Variants in ITPR2 observed in about 807,000 individuals in gnomAD.
The protein encoded by ITPR2 is inositol 1,4,5-trisphosphate-gated calcium channel ITPR2.
In ITPR2, 207 loss-of-function variants were observed where a neutral mutation model predicts 317.1. The observed-to-expected ratio is 0.65, with a 90% CI of 0.58 to 0.73. The LOEUF is 0.73. Ranked by LOEUF, ITPR2 falls within the 30% of genes least tolerant of loss-of-function variation. The pLI is 0.00. For missense variants in ITPR2, 2,613 were observed against 3,284.0 expected (o/e 0.80, Z 4.99); for synonymous variants, 1,156 against 1,149.1 (o/e 1.01, Z -0.12).
chr12:26,372,784 G>T (rs1939223291), intron 55 of ITPR2, among the ~76,000 whole-genome samples: 1 of 152,142 alleles, frequency 6.6e-6, no homozygotes, highest in Non-Finnish European at 1.5e-5. Context: ...TTCAAACTGG[G>T]TTTAGTGCTT....
At chr12:26,569,755 AAC>A (rs1341467770) in intron 34 of ITPR2, among the ~76,000 whole-genome samples, 1 of 152,210 alleles carries the variant, frequency 6.6e-6, no homozygotes, top group African/African-American at 2.4e-5. Context: ...AAAAAAGAGA[AAC>A]ACACATTAAA....
At chr12:26,469,996 C>T (rs562125903) in intron 45 of ITPR2, among the ~76,000 whole-genome samples, 2 of 152,278 alleles carry the variant, frequency 1.3e-5, no homozygotes, top group African/African-American at 4.8e-5. Context: ...GGCAAGTCAG[C>T]GGAAGTGAGT....
intron 24 of ITPR2, among the ~76,000 whole-genome samples, chr12:26,623,641 A>G (rs1946554104): frequency 6.6e-6 from 1 of 152,178 alleles, no homozygotes; most frequent in African/African-American, 2.4e-5. Context: ...CAGATAAGGA[A>G]AGACTACTGT....
intron 37 of ITPR2, among the ~76,000 whole-genome samples, chr12:26,524,311 A>G (rs1436810771): frequency 2.6e-5 from 4 of 152,236 alleles, no homozygotes; most frequent in Non-Finnish European, 4.4e-5. Flanking sequence ...ATTCCTGAAC[A>G]TGAGCCACAG....
At chr12:26,443,067 C>A (rs538677893) in intron 46 of ITPR2, among the ~76,000 whole-genome samples, 4 of 152,232 alleles carry the variant, frequency 2.6e-5, no homozygotes, top group African/African-American at 9.6e-5. Context: ...GGGTCAAGTG[C>A]TGCATACTGA....
chr12:26,440,360 A>G (rs1941456432), intron 46 of ITPR2, among the ~76,000 whole-genome samples: 1 of 152,190 alleles, frequency 6.6e-6, no homozygotes, highest in South Asian at 2.1e-4. Flanking sequence ...GCTAGCAGCC[A>G]TTTTGCAACC....
At chr12:26,369,863 A>ATT (rs1421120637) in intron 55 of ITPR2, among the ~76,000 whole-genome samples, 1 of 152,188 alleles carries the variant, frequency 6.6e-6, no homozygotes. Context: ...ACTGAGCTCA[A>ATT]TTATACGGCA....
chr12:26,594,121 A>ATGTG (rs1369759409), intron 32 of ITPR2, among the ~76,000 whole-genome samples: 8 of 152,236 alleles, frequency 5.3e-5, no homozygotes, highest in African/African-American at 1.9e-4. Context: ...ACATATGAGT[A>ATGTG]CTATGTTAAA....
intron 35 of ITPR2, among the ~76,000 whole-genome samples, chr12:26,558,927 T>C (rs1267386560): frequency 1.3e-5 from 2 of 152,204 alleles, no homozygotes; most frequent in Non-Finnish European, 2.9e-5. Context: ...TCCCATTACT[T>C]CCTATCTTAG....
At chr12:26,483,126 G>C (rs1344847656) in intron 42 of ITPR2, among the ~76,000 whole-genome samples, 2 of 152,148 alleles carry the variant, frequency 1.3e-5, no homozygotes, top group Admixed American at 6.5e-5. Flanking sequence ...TTCTGGAAAA[G>C]AGACTTGAAA....
chr12:26,623,059 C>T (rs1243466662), intron 24 of ITPR2, among the ~76,000 whole-genome samples: 1 of 152,110 alleles, frequency 6.6e-6, no homozygotes, highest in Non-Finnish European at 1.5e-5. Context: ...TCTTTTTGTG[C>T]CCCTAATTCT....
At chr12:26,623,078 G>C (rs931271896) in intron 24 of ITPR2, among the ~76,000 whole-genome samples, 4 of 152,122 alleles carry the variant, frequency 2.6e-5, no homozygotes, top group Non-Finnish European at 5.9e-5. Flanking sequence ...CTTGATTCTT[G>C]TTTGTCTTTC....
At chr12:26,444,277 G>T (rs980812006) in intron 45 of ITPR2, among the ~76,000 whole-genome samples, 1 of 152,084 alleles carries the variant, frequency 6.6e-6, no homozygotes, top group Non-Finnish European at 1.5e-5. Context: ...AATGTCTACA[G>T]CATGTGTTGG....
intron 50 of ITPR2, among the ~76,000 whole-genome samples, chr12:26,416,858 G>GA (rs562985900): frequency 7.3e-5 from 11 of 151,528 alleles, no homozygotes; most frequent in Admixed American, 1.3e-4. Flanking sequence ...GAGGTTTAAA[G>GA]AAAAAAAAAT....
chr12:26,374,427 T>C (rs1939281363), intron 55 of ITPR2, among the ~76,000 whole-genome samples: 1 of 152,242 alleles, frequency 6.6e-6, no homozygotes, highest in African/African-American at 2.4e-5. Flanking sequence ...AGGTGCTATG[T>C]ATTTATTGAA....
intron 55 of ITPR2, among the ~76,000 whole-genome samples, chr12:26,357,786 C>A (rs1405330355): frequency 6.6e-6 from 1 of 152,216 alleles, no homozygotes; most frequent in African/African-American, 2.4e-5. Flanking sequence ...GGTGTCAGAC[C>A]AGGCACCCAC....
chr12:26,492,891 C>T (rs1020558591), intron 39 of ITPR2, among the ~76,000 whole-genome samples: 11 of 123,972 alleles, frequency 8.9e-5, no homozygotes, highest in Non-Finnish European at 1.6e-4. Context: ...GATCATTGCA[C>T]GATATGTGTG....
chr12:26,478,176 C>T (rs758558665), intron 43 of ITPR2, among the ~76,000 whole-genome samples: 1 of 151,958 alleles, frequency 6.6e-6, no homozygotes, highest in Non-Finnish European at 1.5e-5. Context: ...AGAAGTACAG[C>T]CTAAAGATCA....
At chr12:26,608,869 T>C (rs974120870) in intron 26 of ITPR2, among the ~76,000 whole-genome samples, 1 of 151,796 alleles carries the variant, frequency 6.6e-6, no homozygotes, top group Non-Finnish European at 1.5e-5. Flanking sequence ...ACTCCAGGGA[T>C]GGCTAAAAAC....
Sources: gnomAD v4.1 joint callset for allele counts (sites outside exome capture counted in the v4.1 genomes callset) on GRCh38, gnomAD v4.1.1 for gene constraint, MANE v1.5 for transcripts, NCBI Gene and HGNC (gene_info 2026-07-23, HGNC 2026-07-21) for gene names.